Variants in PIP5K1A observed in about 807,000 individuals in gnomAD.
The protein encoded by PIP5K1A is phosphatidylinositol-4-phosphate 5-kinase type 1 alpha.
Under a neutral mutation model 72.9 loss-of-function variants are expected in PIP5K1A, and 46 were observed. The observed-to-expected ratio is 0.63, with a 90% CI of 0.50 to 0.81. The LOEUF is 0.81. PIP5K1A is among the 30% of genes least tolerant of loss of function. The pLI is 0.00. For missense variants in PIP5K1A, 458 were observed against 706.1 expected, an observed-to-expected ratio of 0.65 and a Z score of 3.98; for synonymous variants, 228 against 255.1, an observed-to-expected ratio of 0.89 and a Z score of 1.01.
At chr1:151,197,243 G>GTCAT (rs1684637236), upstream of PIP5K1A, among the ~76,000 whole-genome samples, 2 of 151,844 alleles carry the variant, frequency 1.3e-5, no homozygotes, top group African/African-American at 4.8e-5. Context: ...GGATAACCAG[G>GTCAT]TCATTCTGGG....
At chr1:151,202,084 G>A (rs1171182053) in intron 1 of PIP5K1A, among the ~76,000 whole-genome samples, 1 of 152,114 alleles carries the variant, frequency 6.6e-6, no homozygotes, top group Non-Finnish European at 1.5e-5. Context: ...ATATTGGCAG[G>A]GAACAAACTC....
chr1:151,236,822 T>C (rs1305072210), intron 9 of PIP5K1A, 59 bp downstream of exon 9: 3 of 270,056 alleles, frequency 1.1e-5, no homozygotes, highest in East Asian at 2.5e-4. Context: ...TTTTCTTTTC[T>C]TTTTTTTTTT....
chr1:151,241,816 A>AG (rs1471889069), intron 12 of PIP5K1A, among the ~76,000 whole-genome samples: 8 of 151,866 alleles, frequency 5.3e-5, no homozygotes, highest in Non-Finnish European at 1.2e-4. Flanking sequence ...AAAAAAAAAA[A>AG]AGGAATTATG....
At chr1:151,197,255 G>C (rs587624952), upstream of PIP5K1A, among the ~76,000 whole-genome samples, 2 of 151,928 alleles carry the variant, frequency 1.3e-5, no homozygotes, top group African/African-American at 4.8e-5. Flanking sequence ...CATTCTGGGG[G>C]TTACAAAACC....
In PIP5K1A at chr1:151,224,299, AATGG is replaced by A. The variant is rs778379766; in HGVS notation, c.120+21_120+24del. On this transcript the variant is annotated intron_variant, in intron 2 of 15. Coordinates refer to ENST00000368888, the MANE Select transcript of PIP5K1A (RefSeq NM_001135638.2). ...TCTGAGGTGAGTTTCATACTGATAC[AATGG>A]TTACTAAAACCTTAATTCTGGGATA... is the stretch of plus-strand genomic sequence containing the variant. 133 of 1,611,284 alleles carry A rather than the reference AATGG, an allele frequency of 8.3e-5. No individual in the cohort carries two copies. The highest frequency in any genetic ancestry group is 1.1e-4 in the Non-Finnish European group (128 of 1,177,618).
rs587687310 is a variant in PIP5K1A at position 151,244,867 on chromosome 1, A to C, written c.1641-2053A>C. 2.6e-5 allele frequency among the ~76,000 whole-genome samples: 4 copies of C among 151,332 alleles called. No homozygotes were observed. The South Asian group carries it at 8.4e-4, about 32-fold the overall frequency. ...GGTCTTAATAAGATGTTTCACAGTC[A>C]TATGTTTGCCTTCATCTTTAGACCA... On this transcript the variant is annotated intron_variant, in intron 14 of 15. Coordinates refer to ENST00000368888, the MANE Select transcript of PIP5K1A (RefSeq NM_001135638.2).
Position 151,224,407 on chromosome 1 carries a change from G to A in PIP5K1A, c.156+1G>A. The A allele has an allele frequency of 6.3e-7, 1 of 1,587,490 alleles. No homozygotes were observed. Among genetic ancestry groups the A allele is most frequent in the Non-Finnish European group, 8.6e-7 (1 of 1,156,656 alleles). On this transcript the variant is annotated splice_donor_variant, in intron 3 of 15. Transcript: ENST00000368888. LOFTEE classifies it high-confidence loss of function. ...TAGACAGGATTCTTACATCTCATTG[G>A]TAGGCTAGAAATTATGCAACTCATC...
chr1:151,219,253 C>T (rs1688048833), intron 1 of PIP5K1A, among the ~76,000 whole-genome samples: 1 of 151,810 alleles, frequency 6.6e-6, no homozygotes, highest in Admixed American at 6.6e-5. Flanking sequence ...TGGTGGTGCA[C>T]ACCCGTAATC....
In PIP5K1A at chr1:151,198,945, A is replaced by C; in HGVS notation, c.-52A>C. On this transcript the variant is annotated 5_prime_UTR_variant, in exon 1 of 16. Transcript: ENST00000368888. The stretch of plus-strand genomic sequence containing the variant: ...GGGAAGATTCGATTCCGAGAAGAGG[A>C]AGAACCGGATTGAAAGAGAGCCAGG... 6.6e-7 allele frequency: 1 copy of C among 1,524,230 alleles called. No homozygotes were observed. Among genetic ancestry groups the C allele is most frequent in the Non-Finnish European group, 9.1e-7 (1 of 1,099,580 alleles). The allele number at this position is 1,524,230 out of a possible 1,614,324, so 94.4% of individuals were successfully genotyped here.
rs992837290 is a variant in PIP5K1A at position 151,236,704 on chromosome 1, A to G, written c.1086A>G (p.Thr362=). 6.2e-7 allele frequency: 1 copy of G among 1,613,906 alleles called. No individual in the cohort carries two copies. Among genetic ancestry groups the G allele is most frequent in the African/African-American group, 1.3e-5 (1 of 74,970 alleles). ...CCCCCCAAAAGGCTCTGTATTCCAC[A>G]GCCATGGAATCCATCCAGGGAGAGG... ...RPAPQKALYS[T]AMESIQGEAR... is the part of the protein sequence containing the mutation. Residue 362 remains threonine, a synonymous_variant, in exon 9 of 16, where the codon ACA becomes ACG. Coordinates refer to ENST00000368888, the MANE Select transcript of PIP5K1A (RefSeq NM_001135638.2).
chr1:151,211,919 T>C (rs1445566934), intron 1 of PIP5K1A, among the ~76,000 whole-genome samples: 3 of 151,648 alleles, frequency 2.0e-5, no homozygotes, highest in African/African-American at 4.9e-5. Context: ...CTGGCTAACG[T>C]GGTGAAACCC....
chr1:151,232,410 G>A, intron 6 of PIP5K1A, 45 bp downstream of exon 6: 1 of 1,511,672 alleles, frequency 6.6e-7, no homozygotes, highest in Non-Finnish European at 9.2e-7. Context: ...GTATCAGAGG[G>A]ATATTCCCAA....
intron 14 of PIP5K1A, among the ~76,000 whole-genome samples, chr1:151,246,418 G>A (rs4971023): frequency 2.0e-5 from 3 of 151,792 alleles, no homozygotes; most frequent in Non-Finnish European, 2.9e-5. Flanking sequence ...TTGTCACATC[G>A]CCCTATCCAT....
intron 1 of PIP5K1A, among the ~76,000 whole-genome samples, chr1:151,204,228 G>A (rs1685615872): frequency 6.6e-6 from 1 of 152,180 alleles, no homozygotes; most frequent in Admixed American, 6.6e-5. Context: ...CCTGGTTGGA[G>A]TGCAATGGCG....
At chr1:151,199,960 C>T (rs1572116025) in intron 1 of PIP5K1A, among the ~76,000 whole-genome samples, 2 of 152,166 alleles carry the variant, frequency 1.3e-5, no homozygotes, top group South Asian at 2.1e-4. Context: ...CGCACAGGCA[C>T]ACAGACACAC....
intron 1 of PIP5K1A, among the ~76,000 whole-genome samples, chr1:151,221,855 T>G (rs1251202512): frequency 6.6e-6 from 1 of 152,150 alleles, no homozygotes; most frequent in South Asian, 2.1e-4. Context: ...GAGGATCACT[T>G]GAATCCAGGA....
At chr1:151,221,738 G>A (rs993385566) in intron 1 of PIP5K1A, among the ~76,000 whole-genome samples, 1 of 152,150 alleles carries the variant, frequency 6.6e-6, no homozygotes, top group Non-Finnish European at 1.5e-5. Context: ...ACAGTATTCT[G>A]GTTTTATCCA....
In PIP5K1A at chr1:151,198,894, G is replaced by A; in HGVS notation, c.-103G>A. On this transcript the variant is annotated 5_prime_UTR_variant, in exon 1 of 16. Coordinates refer to ENST00000368888, the MANE Select transcript of PIP5K1A (RefSeq NM_001135638.2). ...GGAGGGGGCGGGGAGGTGGCCCACAGAACGCGGGTTCTGTAAAGAGACGTT... is the reference window on the plus strand; with the variant it reads ...GGAGGGGGCGGGGAGGTGGCCCACAAAACGCGGGTTCTGTAAAGAGACGTT... The A allele has an allele frequency of 8.5e-7, 1 of 1,173,880 alleles. No individual in the cohort carries two copies. The highest frequency in any genetic ancestry group is 1.8e-5 in the Admixed American group (1 of 55,432). The allele number at this position is 1,173,880 out of a possible 1,614,324, so 72.7% of individuals were successfully genotyped here.
At chr1:151,225,319 G>A (rs1688949102) in intron 3 of PIP5K1A, among the ~76,000 whole-genome samples, 1 of 152,110 alleles carries the variant, frequency 6.6e-6, no homozygotes, top group Non-Finnish European at 1.5e-5. Flanking sequence ...AAAAAAAACT[G>A]TGATACCCTG....
Sources: allele counts gnomAD v4.1 joint callset (sites outside exome capture counted in the v4.1 genomes callset), GRCh38; gene constraint gnomAD v4.1.1; transcripts MANE v1.5; gene names NCBI Gene and HGNC (gene_info 2026-07-23, HGNC 2026-07-21).